Variants in ZNF239 observed in about 807,000 individuals in gnomAD.
The protein encoded by ZNF239 is zinc finger protein 239.
A neutral mutation model predicts 27.5 loss-of-function variants in ZNF239; 16 were observed. The ratio of observed to expected loss-of-function variants is 0.58; its 90% confidence interval spans 0.39 to 0.88. ZNF239 has a LOEUF of 0.88. Among genes scored for constraint, ZNF239 ranks in the 40% least tolerant of loss-of-function variants. The pLI is 0.00. For missense variants in ZNF239, 527 were observed against 551.9 expected, an observed-to-expected ratio of 0.95 and a Z score of 0.45; for synonymous variants, 199 against 192.6, an observed-to-expected ratio of 1.03 and a Z score of -0.27.
chr10:43,570,404 C>G, intron 2 of ZNF239: 1 of 985,336 alleles, frequency 1.0e-6, no homozygotes, highest in Non-Finnish European at 1.2e-6. Context: ...ATATTAAAAG[C>G]AAGTGGACTG....
intron 3 of ZNF239, among the ~76,000 whole-genome samples, chr10:43,563,042 C>T (rs913573252): frequency 9.9e-5 from 15 of 152,146 alleles, no homozygotes; most frequent in African/African-American, 3.6e-4. Context: ...AGGCCGGGCA[C>T]GGTGGCTCAT....
At position 43,568,016 on chromosome 10, in the gene ZNF239, T is replaced by C. The variant is rs905648371; in HGVS notation, c.-210A>G. On this transcript the variant is annotated 5_prime_UTR_variant, in exon 3 of 4. Transcript: ENST00000374446. Reference sequence around the variant, plus strand: ...CCACAGAGGCATCCTTGAATGTAACTGGTTCCTAAAACATTAAGCACATTC... The same window carrying C: ...CCACAGAGGCATCCTTGAATGTAACCGGTTCCTAAAACATTAAGCACATTC... 5.0e-5 allele frequency: 49 copies of C among 985,956 alleles called. No homozygotes were observed. The highest frequency in any genetic ancestry group is 6.1e-5 in the Admixed American group (1 of 16,280). The allele number at this position is 985,956 out of a possible 1,614,324, so 61.1% of individuals were successfully genotyped here.
At chr10:43,563,499 T>C (rs930834055) in intron 3 of ZNF239, among the ~76,000 whole-genome samples, 5 of 152,216 alleles carry the variant, frequency 3.3e-5, no homozygotes, top group Non-Finnish European at 7.3e-5. Flanking sequence ...TACATATACT[T>C]GTAATGTACA....
chr10:43,556,664 A>T lies in ZNF239; in HGVS notation c.*39T>A, dbSNP rs1836756206. The T allele has an allele frequency of 6.3e-7, 1 of 1,576,328 alleles. No homozygotes were observed. Among genetic ancestry groups the T allele is most frequent in the Admixed American group, 1.8e-5 (1 of 55,092 alleles). ...ATACTAAATATTTAACAGTTTTTAC[A>T]GTATGAGCGCTGTGAAGACCTGAAT... On this transcript the variant is annotated 3_prime_UTR_variant, in exon 4 of 4. Transcript: ENST00000374446.
intron 3 of ZNF239, among the ~76,000 whole-genome samples, chr10:43,561,922 A>G (rs1057501979): frequency 6.6e-6 from 1 of 152,208 alleles, no homozygotes; most frequent in East Asian, 1.9e-4. Flanking sequence ...AAACCCCCCA[A>G]ATAAAATATA....
In ZNF239 at chr10:43,568,551, T is replaced by C. The variant is rs367966175; in HGVS notation, c.-215-530A>G. The stretch of plus-strand genomic sequence containing the variant: ...CTTCCTATGCTTTCTGTTCTTCCTC[T>C]TCTAAACTAAGTAGTTGAACATTAC... On this transcript the variant is annotated intron_variant, in intron 2 of 3. Coordinates refer to ENST00000374446, the MANE Select transcript of ZNF239 (RefSeq NM_001099282.2). 7.8e-6 allele frequency: 6 copies of C among 765,688 alleles called. No individual in the cohort carries two copies. In the East Asian group the frequency reaches 7.7e-4, roughly 99 times the overall value. 47.4% of individuals were successfully genotyped at this position (765,688 alleles called of 1,614,324 possible).
chr10:43,557,517 AG>A lies in ZNF239; in HGVS notation c.562del (p.Asn189ThrfsTer138), dbSNP rs1196511122. Reference sequence around the variant, plus strand: ...TGGATGACCATCTGGGCTGGTGTTAAGTATTTTCCCACAGTTATTATGGTCA... The same window carrying A: ...TGGATGACCATCTGGGCTGGTGTTAATATTTTCCCACAGTTATTATGGTCA... ...PCDHNNCGKI[L>X]NTSPDGHPYE... On this transcript the variant is annotated frameshift_variant, in exon 4 of 4. Coordinates refer to ENST00000374446, the MANE Select transcript of ZNF239 (RefSeq NM_001099282.2). LOFTEE classifies it high-confidence loss of function. 1 of 1,614,188 alleles carries A rather than the reference AG, an allele frequency of 6.2e-7. No individual in the cohort carries two copies. The highest frequency in any genetic ancestry group is 8.5e-7 in the Non-Finnish European group (1 of 1,180,042).
rs1237991519 is a variant in ZNF239, at chr10:43,556,534, A to G, written c.*169T>C. The G allele has an allele frequency of 1.1e-5, 9 of 840,610 alleles. No homozygotes were observed. The highest frequency in any genetic ancestry group is 1.6e-5 in the Non-Finnish European group (9 of 559,074). The allele number at this position is 840,610 out of a possible 1,614,324, so 52.1% of individuals were successfully genotyped here. A position where few individuals can be genotyped will look rare whatever the true frequency, so the allele number is the denominator to read the frequency against. On this transcript the variant is annotated 3_prime_UTR_variant, in exon 4 of 4. Coordinates refer to ENST00000374446, the MANE Select transcript of ZNF239 (RefSeq NM_001099282.2). ...CAATCCATTCATTGTACAGCATAAC[A>G]AAGTGCTTGATACTTAAATATTTTG... is the stretch of plus-strand genomic sequence containing the variant.
At position 43,557,994 on chromosome 10, in the gene ZNF239, G is replaced by A; in HGVS notation, c.86C>T (p.Pro29Leu). 6.2e-7 allele frequency: 1 copy of A among 1,614,166 alleles called. No homozygotes were observed. The highest frequency in any genetic ancestry group is 1.1e-5 in the South Asian group (1 of 91,086). Residue 29 changes from proline to leucine, a missense_variant, in exon 4 of 4, where the codon CCT (proline) becomes CTT (leucine). By Grantham distance (98) the Pro-to-Leu change is moderately conservative. Transcript: ENST00000374446. ...AGATGCTTCTCCCCACTGTTGACAA[G>A]GGGAAATATCTAGTTCAGGCTCCCC... ...VDGEPELDIS[P>L]CQQWGEASSP...
chr10:43,571,965 C>T (rs1838059498), intron 2 of ZNF239, among the ~76,000 whole-genome samples: 1 of 152,036 alleles, frequency 6.6e-6, no homozygotes, highest in South Asian at 2.1e-4. Context: ...TAAAAGAAAA[C>T]ATAAAGATGG....
intron 2 of ZNF239, chr10:43,570,305 C>A (rs981757305): frequency 2.0e-6 from 2 of 985,160 alleles, no homozygotes; most frequent in Non-Finnish European, 2.4e-6. Flanking sequence ...GCTCAAGCCC[C>A]GGAGTAAAGG....
At chr10:43,568,778 G>A (rs1837847971) in intron 2 of ZNF239, among the ~76,000 whole-genome samples, 2 of 152,122 alleles carry the variant, frequency 1.3e-5, no homozygotes, top group Admixed American at 6.5e-5. Flanking sequence ...AGCTGGGCAC[G>A]ATGGCTCACG....
At chr10:43,573,773 TC>T in intron 1 of ZNF239, 96 bp from the exon 2 acceptor site, 1 of 389,074 alleles carries the variant, frequency 2.6e-6, no homozygotes, top group Non-Finnish European at 3.5e-6. Context: ...CTCTGACGCT[TC>T]TTCAGTCACT....
At chr10:43,560,458 C>T (rs1367990674) in intron 3 of ZNF239, among the ~76,000 whole-genome samples, 1 of 152,060 alleles carries the variant, frequency 6.6e-6, no homozygotes, top group Non-Finnish European at 1.5e-5. Context: ...AAAAAATGGC[C>T]TACACCACTG....
At chr10:43,572,483 C>T (rs1039556495) in intron 2 of ZNF239, among the ~76,000 whole-genome samples, 1 of 152,104 alleles carries the variant, frequency 6.6e-6, no homozygotes, top group African/African-American at 2.4e-5. Flanking sequence ...TCCCTTAAAA[C>T]GCAGTCTGAT....
chr10:43,569,916 A>C (rs1046113875), intron 2 of ZNF239, among the ~76,000 whole-genome samples: 1 of 152,160 alleles, frequency 6.6e-6, no homozygotes, highest in African/African-American at 2.4e-5. Flanking sequence ...TGATGAAGCA[A>C]TGCTTCTTAA....
chr10:43,558,991 G>A (rs796330116), intron 3 of ZNF239, among the ~76,000 whole-genome samples: 9 of 152,186 alleles, frequency 5.9e-5, no homozygotes, highest in African/African-American at 1.7e-4. Context: ...TCAGACCCTG[G>A]TGTTTAGGAA....
intron 1 of ZNF239, among the ~76,000 whole-genome samples, chr10:43,573,880 T>C (rs1838186391): frequency 6.6e-6 from 1 of 152,136 alleles, no homozygotes; most frequent in Non-Finnish European, 1.5e-5. Flanking sequence ...AAGCCAAGTT[T>C]TCCCCCCAAA....
intron 3 of ZNF239, among the ~76,000 whole-genome samples, chr10:43,567,693 A>G (rs1372842389): frequency 6.6e-6 from 1 of 152,218 alleles, no homozygotes; most frequent in Non-Finnish European, 1.5e-5. Flanking sequence ...GTGATTGTGC[A>G]GAAAGCAAAA....
Sources: gnomAD v4.1 joint callset for allele counts (sites outside exome capture counted in the v4.1 genomes callset) on GRCh38, gnomAD v4.1.1 for gene constraint, MANE v1.5 for transcripts, NCBI Gene and HGNC (gene_info 2026-07-23, HGNC 2026-07-21) for gene names.